Variants in GLRX3 observed in about 807,000 individuals in gnomAD.
GLRX3 encodes the protein glutaredoxin 3.
A neutral mutation model predicts 49.5 loss-of-function variants in GLRX3; 22 were observed. The observed-to-expected ratio is 0.44, with a 90% confidence interval of 0.32 to 0.63. The LOEUF (loss-of-function observed/expected upper bound fraction) is 0.63. Ranked by LOEUF, GLRX3 falls within the 30% of genes least tolerant of loss-of-function variation. The pLI, the probability that GLRX3 is intolerant of heterozygous loss-of-function variation, is 0.05. For missense variants in GLRX3, 385 were observed against 396.3 expected (o/e 0.97, Z 0.24); for synonymous variants, 133 against 140.0 (o/e 0.95, Z 0.35).
intron 2 of GLRX3, among the ~76,000 whole-genome samples, chr10:130,157,402 G>A (rs1862491402): frequency 6.8e-6 from 1 of 147,274 alleles, no homozygotes; most frequent in African/African-American, 2.5e-5. Context: ...AGAGAAAGAG[G>A]GAGAAAGACA....
chr10:130,145,207 A>T lies in GLRX3; in HGVS notation c.93-4A>T. ...TTAAATAAATGCATTTAATTGATTT[A>T]CAGGTCCCTCCTTGTGGTCCATTTC... On this transcript the variant is annotated splice_polypyrimidine_tract_variant and splice_region_variant and intron_variant, in intron 1 of 10. Transcript: ENST00000331244. The T allele has an allele frequency of 8.3e-7, 1 of 1,210,234 alleles. No individual in the cohort carries two copies. Among genetic ancestry groups the T allele is most frequent in the Non-Finnish European group, 1.2e-6 (1 of 835,584 alleles). 75.0% of individuals were successfully genotyped at this position (1,210,234 alleles called of 1,614,324 possible).
In GLRX3 at chr10:130,136,413, G is replaced by A. The variant is rs1862050033; in HGVS notation, c.-8G>A. ...GGCACTGGATTGCTTCTGTCTGGCGGCGGCAGCATGGCGGCGGGGGCGGCT... is the reference window on the plus strand; with the variant it reads ...GGCACTGGATTGCTTCTGTCTGGCGACGGCAGCATGGCGGCGGGGGCGGCT... On this transcript the variant is annotated 5_prime_UTR_variant, in exon 1 of 11. Coordinates refer to ENST00000331244, the MANE Select transcript of GLRX3 (RefSeq NM_006541.5). 8.0e-7 allele frequency: 1 copy of A among 1,252,826 alleles called. No homozygotes were observed. Among genetic ancestry groups the A allele is most frequent in the Non-Finnish European group, 1.0e-6 (1 of 992,790 alleles). 77.6% of individuals were successfully genotyped at this position (1,252,826 alleles called of 1,614,324 possible).
intron 2 of GLRX3, among the ~76,000 whole-genome samples, chr10:130,158,786 T>A (rs1862524139): frequency 6.6e-6 from 1 of 152,214 alleles, no homozygotes; most frequent in Admixed American, 6.5e-5. Flanking sequence ...TGTTCTTTTT[T>A]CAGATTATTA....
At chr10:130,159,877 C>A in intron 2 of GLRX3, 118 bp from the exon 3 acceptor site, 2 of 1,339,528 alleles carry the variant, frequency 1.5e-6, no homozygotes, top group Non-Finnish European at 2.1e-6. Context: ...ACTTTTGTAC[C>A]ATGCTCTTTA....
chr10:130,151,622 T>G (rs1236617899), intron 2 of GLRX3, among the ~76,000 whole-genome samples: 1 of 152,040 alleles, frequency 6.6e-6, no homozygotes, highest in Admixed American at 6.6e-5. Flanking sequence ...ACATGTGGTG[T>G]TTGGTTTTCT....
rs778059353 is a variant in GLRX3 at position 130,174,984 on chromosome 10, G to A, written c.865-13G>A. 6.3e-6 allele frequency: 10 copies of A among 1,597,770 alleles called. No individual in the cohort carries two copies. The highest frequency in any genetic ancestry group is 8.6e-6 in the Non-Finnish European group (10 of 1,165,196). On this transcript the variant is annotated splice_polypyrimidine_tract_variant and intron_variant, in intron 9 of 10. Coordinates refer to ENST00000331244, the MANE Select transcript of GLRX3 (RefSeq NM_006541.5). ...CTGATAGGATGGTTTCAGGATTCCT[G>A]TTGTTTCTTTAGGTTCGGCAAGGAT...
At chr10:130,144,299 T>C (rs937621727) in intron 1 of GLRX3, among the ~76,000 whole-genome samples, 5 of 151,876 alleles carry the variant, frequency 3.3e-5, no homozygotes, top group Non-Finnish European at 7.4e-5. Flanking sequence ...TTTTTTTTTT[T>C]TTTTCGTTTA....
At chr10:130,167,770 T>C (rs543523302) in intron 6 of GLRX3, among the ~76,000 whole-genome samples, 75 of 152,342 alleles carry the variant, frequency 4.9e-4, no homozygotes, top group African/African-American at 1.8e-3. Context: ...TGTCTGTCGT[T>C]AATTAATAAT....
At chr10:130,138,519 G>A (rs1347502654) in intron 1 of GLRX3, among the ~76,000 whole-genome samples, 1 of 152,184 alleles carries the variant, frequency 6.6e-6, no homozygotes, top group African/African-American at 2.4e-5. Flanking sequence ...CTTTATGGGG[G>A]TGATGAAATT....
chr10:130,163,599 A>G (rs1304018979), intron 4 of GLRX3, among the ~76,000 whole-genome samples: 2 of 152,140 alleles, frequency 1.3e-5, no homozygotes, highest in East Asian at 3.8e-4. Flanking sequence ...CTGTTTCCTG[A>G]TATTTTCTGT....
At chr10:130,136,552 C>A in intron 1 of GLRX3, 40 bp downstream of exon 1, 1 of 1,247,938 alleles carries the variant, frequency 8.0e-7, no homozygotes, top group Non-Finnish European at 1.0e-6. Context: ...GGAGCCGGAG[C>A]GGGAGCGGCC....
At chr10:130,149,537 C>T (rs550595815) in intron 2 of GLRX3, among the ~76,000 whole-genome samples, 1 of 151,604 alleles carries the variant, frequency 6.6e-6, no homozygotes, top group East Asian at 1.9e-4. Context: ...CTTTTATTTT[C>T]AAATTACATA....
At chr10:130,146,044 T>C (rs1398556191) in intron 2 of GLRX3, among the ~76,000 whole-genome samples, 1 of 152,144 alleles carries the variant, frequency 6.6e-6, no homozygotes. Flanking sequence ...CTGCTCACCT[T>C]GGCCTCCCAA....
intron 2 of GLRX3, among the ~76,000 whole-genome samples, chr10:130,147,098 T>C (rs1862284450): frequency 6.6e-6 from 1 of 152,214 alleles, no homozygotes; most frequent in Non-Finnish European, 1.5e-5. Context: ...AGTGATTAGC[T>C]TTTTAAAATT....
intron 7 of GLRX3, among the ~76,000 whole-genome samples, chr10:130,170,060 A>G (rs1862774644): frequency 6.6e-6 from 1 of 152,212 alleles, no homozygotes; most frequent in Non-Finnish European, 1.5e-5. Flanking sequence ...GATTACTTCC[A>G]CCGATAGTTT....
intron 4 of GLRX3, among the ~76,000 whole-genome samples, chr10:130,165,473 C>T (rs182616645): frequency 9.2e-5 from 14 of 151,802 alleles, no homozygotes; most frequent in African/African-American, 2.9e-4. Flanking sequence ...ATAAAATTGT[C>T]GCTATAGTGT....
At chr10:130,164,532 C>G (rs1221362102) in intron 4 of GLRX3, among the ~76,000 whole-genome samples, 1 of 152,094 alleles carries the variant, frequency 6.6e-6, no homozygotes, top group Non-Finnish European at 1.5e-5. Context: ...TGTTAGGCAC[C>G]TATTCATGTC....
intron 2 of GLRX3, among the ~76,000 whole-genome samples, chr10:130,158,171 C>T (rs1862512718): frequency 6.6e-6 from 1 of 151,900 alleles, no homozygotes; most frequent in South Asian, 2.1e-4. Flanking sequence ...AATTGTTACT[C>T]CACTGGAAAT....
At chr10:130,165,024 G>T (rs891704101) in intron 4 of GLRX3, among the ~76,000 whole-genome samples, 1 of 152,190 alleles carries the variant, frequency 6.6e-6, no homozygotes, top group Non-Finnish European at 1.5e-5. Context: ...ATAAACTGCA[G>T]ATTTGGAAAA....
Sources: allele counts gnomAD v4.1 joint callset (sites outside exome capture counted in the v4.1 genomes callset), GRCh38; gene constraint gnomAD v4.1.1; transcripts MANE v1.5; gene names NCBI Gene and HGNC (gene_info 2026-07-23, HGNC 2026-07-21).